The following ORC6 variants were observed in gnomAD, a reference collection of about 807,000 sequenced individuals.
ORC6 encodes the protein origin recognition complex, subunit 6 homolog-like (yeast).
Under a neutral mutation model 30.0 loss-of-function variants are expected in ORC6, and 31 were observed. The observed-to-expected ratio is 1.03, with a 90% CI of 0.78 to 1.40. ORC6 has a LOEUF of 1.40. Ranked by LOEUF, ORC6 falls within the 40% of genes most tolerant of loss-of-function variation. The pLI is 0.00. For synonymous variants in ORC6, 136 were observed against 111.2 expected (o/e 1.22, Z -1.40); for missense variants, 340 against 304.3 (o/e 1.12, Z -0.87).
intron 4 of ORC6, chr16:46,694,549 C>T (rs1361593307): frequency 7.0e-6 from 1 of 142,490 alleles, no homozygotes. Flanking sequence ...GCTGACCCCC[C>T]CACCTCCCTC....
In ORC6 at chr16:46,694,673, AAC is replaced by A. The variant is rs1355842059; in HGVS notation, c.450-887_450-886del. On this transcript the variant is annotated intron_variant, in intron 4 of 6. Transcript: ENST00000219097. ...CCACAACACTGTCTCTTAAAAAAAA[AAC>A]AAAACACTGGCTACAACTGTTCTTC... Among the ~76,000 whole-genome samples, 5 of 151,314 alleles carry A rather than the reference AAC, an allele frequency of 3.3e-5. 1 individual carries two copies. Among genetic ancestry groups the A allele is most frequent in the South Asian group, 2.1e-4 (1 of 4,808 alleles).
Position 46,689,781 on chromosome 16 carries a change from C to T in ORC6, c.65+11C>T. ...GCCCGACATGCTGAGGTGAGTTCGG[C>T]CGCGCAAGACCAGGGCTGGGCTTCC... On this transcript the variant is annotated intron_variant, in intron 1 of 6. Transcript: ENST00000219097. 6.3e-7 allele frequency: 1 copy of T among 1,585,394 alleles called. No individual in the cohort carries two copies. The highest frequency in any genetic ancestry group is 1.7e-4 in the Middle Eastern group (1 of 6,010).
At position 46,698,206 on chromosome 16, in the gene ORC6, TA is replaced by T; in HGVS notation, c.*622del. The T allele has an allele frequency of 6.6e-6, 3 of 455,164 alleles. No homozygotes were observed. The highest frequency in any genetic ancestry group is 1.3e-5 in the Non-Finnish European group (3 of 226,524). 28.2% of individuals were successfully genotyped at this position (455,164 alleles called of 1,614,324 possible). A position where few individuals can be genotyped will look rare whatever the true frequency, so the allele number is the denominator to read the frequency against. On this transcript the variant is annotated 3_prime_UTR_variant, in exon 7 of 7. Coordinates refer to ENST00000219097, the MANE Select transcript of ORC6 (RefSeq NM_014321.4). ...ATGGATAGATAGATAGATAGATAGA[TA>T]GATAGATAAACGGAATTGGAGCCAT...
chr16:46,696,138 C>T (rs894211478), intron 6 of ORC6, 53 bp downstream of exon 6: 1 of 1,252,314 alleles, frequency 8.0e-7, no homozygotes, highest in Non-Finnish European at 1.2e-6. Context: ...GTGAACAGCC[C>T]AGTGCTGCTC....
chr16:46,697,626 C>T lies in ORC6; in HGVS notation c.*41C>T. On this transcript the variant is annotated 3_prime_UTR_variant, in exon 7 of 7. Transcript: ENST00000219097. ...TGGTATACATTCCAAACTGATAGTA[C>T]ATTGCCATCTCCAGGAAGACTTGAC... 1 of 1,595,792 alleles carries T rather than the reference C, an allele frequency of 6.3e-7. No homozygotes were observed. Among genetic ancestry groups the T allele is most frequent in the Non-Finnish European group, 8.6e-7 (1 of 1,163,402 alleles).
intron 2 of ORC6, among the ~76,000 whole-genome samples, 167 bp downstream of exon 2, chr16:46,691,287 T>G (rs1485162416): frequency 6.6e-6 from 1 of 152,258 alleles, no homozygotes; most frequent in East Asian, 1.9e-4. Context: ...GGAAAATATT[T>G]TTTTGCCATG....
In ORC6 at chr16:46,697,820, A is replaced by C. The variant is rs765710582; in HGVS notation, c.*235A>C. Reference sequence around the variant, plus strand: ...GTATAGCCTTATGTGCTTTCCTACAAAATGGAATTGGAGGCCGGGCGCAGT... The same window carrying C: ...GTATAGCCTTATGTGCTTTCCTACACAATGGAATTGGAGGCCGGGCGCAGT... On this transcript the variant is annotated 3_prime_UTR_variant, in exon 7 of 7. Transcript: ENST00000219097. The C allele has an allele frequency of 4.9e-6, 3 of 615,102 alleles. No individual in the cohort carries two copies. Among genetic ancestry groups the C allele is most frequent in the Non-Finnish European group, 9.0e-6 (3 of 332,606 alleles). The allele number at this position is 615,102 out of a possible 1,614,324, so 38.1% of individuals were successfully genotyped here.
In ORC6 at chr16:46,696,141, T is replaced by G. The variant is rs1317927425; in HGVS notation, c.631+56T>G. The G allele has an allele frequency of 3.2e-6, 4 of 1,239,666 alleles. No homozygotes were observed. The East Asian group carries it at 7.0e-5, about 22-fold the overall frequency. The allele number at this position is 1,239,666 out of a possible 1,614,324, so 76.8% of individuals were successfully genotyped here. On this transcript the variant is annotated intron_variant, in intron 6 of 6. Coordinates refer to ENST00000219097, the MANE Select transcript of ORC6 (RefSeq NM_014321.4). ...ACATTTTATGCAGTGAACAGCCCAG[T>G]GCTGCTCTAGCAGCTTGCCTGACAG...
chr16:46,690,041 C>T (rs1442786453), intron 1 of ORC6, among the ~76,000 whole-genome samples: 1 of 152,268 alleles, frequency 6.6e-6, no homozygotes. Flanking sequence ...GGAGAACTTT[C>T]CGTTCATTCC....
rs781255515 is a variant in ORC6, at chr16:46,693,077, A to G, written c.360-16A>G. 1.2e-5 allele frequency: 19 copies of G among 1,523,940 alleles called. No individual in the cohort carries two copies. The highest frequency in any genetic ancestry group is 2.2e-5 in the East Asian group (1 of 44,492). 94.4% of individuals were successfully genotyped at this position (1,523,940 alleles called of 1,614,324 possible). ...ATATTTTCTAACAGATAATTCTGCA[A>G]TAACTTCTCCTTTAGCTATGAGTCC... is the stretch of plus-strand genomic sequence containing the variant. On this transcript the variant is annotated splice_polypyrimidine_tract_variant and intron_variant, in intron 3 of 6. Transcript: ENST00000219097.
At chr16:46,690,024 G>T (rs1211370369) in intron 1 of ORC6, among the ~76,000 whole-genome samples, 2 of 152,242 alleles carry the variant, frequency 1.3e-5, no homozygotes, top group Non-Finnish European at 2.9e-5. Context: ...GTAGAAAAAT[G>T]AGCCAGGGAG....
Position 46,698,071 on chromosome 16 carries a change from C to T in ORC6, c.*486C>T, listed in dbSNP as rs954893663. 5 of 422,978 alleles carry T rather than the reference C, an allele frequency of 1.2e-5. No individual in the cohort carries two copies. The highest frequency in any genetic ancestry group is 1.0e-4 in the Admixed American group (4 of 39,440). 26.2% of individuals were successfully genotyped at this position (422,978 alleles called of 1,614,324 possible). ...CAGAGGTTGCAGTGAGCCGAGATTG[C>T]ACCACCGCACTCCAGCCTGGGTGAC... On this transcript the variant is annotated 3_prime_UTR_variant, in exon 7 of 7. Coordinates refer to ENST00000219097, the MANE Select transcript of ORC6 (RefSeq NM_014321.4).
rs568119196 is a variant in ORC6, at chr16:46,698,160, TATAG to T, written c.*594_*597del. 6.8e-3 allele frequency: 2,497 copies of T among 368,800 alleles called. 15 individuals carry two copies. The highest frequency in any genetic ancestry group is 0.031 in the African/African-American group (1,059 of 33,930). The allele number at this position is 368,800 out of a possible 1,614,324, so 22.8% of individuals were successfully genotyped here. A position where few individuals can be genotyped will look rare whatever the true frequency, so the allele number is the denominator to read the frequency against. ...CCAGCCTGGGTGACAGAGCGAGACTTATAGATAGATAGATAGATAGATGGATAGA... is the reference window on the plus strand; with the variant it reads ...CCAGCCTGGGTGACAGAGCGAGACTTATAGATAGATAGATAGATGGATAGA... On this transcript the variant is annotated 3_prime_UTR_variant, in exon 7 of 7. Coordinates refer to ENST00000219097, the MANE Select transcript of ORC6 (RefSeq NM_014321.4).
In ORC6 at chr16:46,692,442, T is replaced by C. The variant is rs1966456946; in HGVS notation, c.256T>C (p.Phe86Leu). 1.2e-6 allele frequency: 2 copies of C among 1,613,778 alleles called. No individual in the cohort carries two copies. The highest frequency in any genetic ancestry group is 1.7e-6 in the Non-Finnish European group (2 of 1,179,666). Reference sequence around the variant, plus strand: ...GACATATCAGAGCTGTCTTAAATCTTTTGAGTGTTTACTGGGCCTGAATTC... The same window carrying C: ...GACATATCAGAGCTGTCTTAAATCTCTTGAGTGTTTACTGGGCCTGAATTC... The part of the protein sequence containing the change: ...KETYQSCLKS[F>L]ECLLGLNSNI... Residue 86 changes from phenylalanine to leucine, a missense_variant, in exon 3 of 7, where the codon TTT (phenylalanine) becomes CTT (leucine). By Grantham distance (22) the Phe-to-Leu change is conservative. Transcript: ENST00000219097.
At chr16:46,694,110 C>T (rs1300690654) in intron 4 of ORC6, 2 of 39,198 alleles carry the variant, frequency 5.1e-5, no homozygotes, top group Non-Finnish European at 1.1e-4. Flanking sequence ...GCACATCTTG[C>T]ACCGCCCTTA....
chr16:46,697,439 T>C lies in ORC6; in HGVS notation c.632-19T>C. 1 of 1,606,724 alleles carries C rather than the reference T, an allele frequency of 6.2e-7. No individual in the cohort carries two copies. On this transcript the variant is annotated intron_variant, in intron 6 of 6. Coordinates refer to ENST00000219097, the MANE Select transcript of ORC6 (RefSeq NM_014321.4). ...CTAAGCTAAGAATTTTGAAATTGCT[T>C]TTGATAATTTTCTGTCAGAAATGGA...
intron 1 of ORC6, chr16:46,690,786 A>G (rs1046701830): frequency 3.2e-6 from 2 of 633,228 alleles, no homozygotes; most frequent in Admixed American, 2.4e-5. Flanking sequence ...TTTTGCCTGA[A>G]AGCATTTGAG....
intron 1 of ORC6, 52 bp from the exon 2 acceptor site, chr16:46,690,939 G>A: frequency 6.2e-7 from 1 of 1,607,410 alleles, no homozygotes; most frequent in Non-Finnish European, 8.5e-7. Context: ...TTACCAACGT[G>A]TTGAGCAAAC....
chr16:46,693,850 TTA>T (rs1446394584), intron 4 of ORC6: 2 of 94,596 alleles, frequency 2.1e-5, no homozygotes, highest in Admixed American at 1.3e-4. Flanking sequence ...ATTTTTATTT[TTA>T]TTTTTTTTTT....
Sources: gnomAD v4.1 joint callset for allele counts (sites outside exome capture counted in the v4.1 genomes callset) on GRCh38, gnomAD v4.1.1 for gene constraint, MANE v1.5 for transcripts, NCBI Gene and HGNC (gene_info 2026-07-23, HGNC 2026-07-21) for gene names.